DKC1: variants seen among roughly 807,000 people sequenced by gnomAD.
DKC1 encodes the protein H/ACA ribonucleoprotein complex subunit DKC1.
DKC1 carries 4 observed loss-of-function variants against 46.7 expected under a neutral mutation model. The observed-to-expected ratio is 0.09, with a 90% CI of 0.04 to 0.20. DKC1 has a LOEUF of 0.20. DKC1 is among the 10% of genes least tolerant of loss of function. DKC1 has a pLI of 1.00. For synonymous variants in DKC1, 141 were observed against 142.4 expected (o/e 0.99, Z 0.07); for missense variants, 171 against 404.2 (o/e 0.42, Z 4.95).
chrX:154,771,127 C>T (rs782393158), intron 10 of DKC1, among the ~76,000 whole-genome samples: 14 of 108,053 alleles, frequency 1.3e-4, no homozygotes, highest in East Asian at 5.7e-4. Flanking sequence ...ATAGTCACCC[C>T]GTTGTGCTAT....
rs782039990 is a variant in DKC1 at position 154,762,918 on chromosome X, C to A, written c.-48C>A. 3 of 1,168,722 alleles carry A rather than the reference C, an allele frequency of 2.6e-6. No individual in the cohort carries two copies. Among genetic ancestry groups the A allele is most frequent in the South Asian group, 3.8e-5 (2 of 52,907 alleles). On this transcript the variant is annotated 5_prime_UTR_variant, in exon 1 of 15. Coordinates refer to ENST00000369550, the MANE Select transcript of DKC1 (RefSeq NM_001363.5). ...GACCAAGGCGGCGGGAGTCTGCGGT[C>A]GTTCCCTCGGCTGTGGACCGGGCGG...
At position 154,767,042 on chromosome X, in the gene DKC1, G is replaced by C. The variant is rs782622660; in HGVS notation, c.494G>C (p.Gly165Ala). 16 of 1,209,454 alleles carry C rather than the reference G, an allele frequency of 1.3e-5. No homozygotes were observed. The African/African-American group carries it at 1.8e-4, about 13-fold the overall frequency. The change falls in exon 6 of 15, where the codon GGG (glycine) becomes GCG (alanine). Residue 165 changes from glycine to alanine, a missense_variant. Physicochemically the swap from Gly to Ala is moderately conservative, Grantham distance 60 (BLOSUM62 0). Transcript: ENST00000369550. ...GIVRLHNAIE[G>A]GTQLSRALET... is the part of the protein sequence containing the mutation. ...GTCCGGCTGCACAATGCTATTGAAG[G>C]GGGGACCCAGCTTTCTAGGGTAAGT...
chrX:154,773,421 TG>T (rs1233422350), intron 11 of DKC1, among the ~76,000 whole-genome samples, 172 bp downstream of exon 11: 1 of 107,924 alleles, frequency 9.3e-6, no homozygotes, highest in Non-Finnish European at 1.9e-5. Context: ...CAAAGGTCTC[TG>T]GTTTTCCTAG....
intron 8 of DKC1, 74 bp from the exon 9 acceptor site, chrX:154,769,093 T>G: frequency 9.2e-7 from 1 of 1,082,654 alleles, no homozygotes; most frequent in Admixed American, 2.2e-5. Context: ...TGACATTCAG[T>G]TTTAGGAAGT....
chrX:154,772,357 T>C (rs887093387), intron 10 of DKC1, among the ~76,000 whole-genome samples: 1 of 112,290 alleles, frequency 8.9e-6, no homozygotes, highest in East Asian at 2.8e-4. Context: ...TTTTACCCAG[T>C]GTATGTTCTT....
At position 154,774,708 on chromosome X, in the gene DKC1, G is replaced by A. The variant is rs782086268; in HGVS notation, c.1259+3G>A. 8.3e-7 allele frequency: 1 copy of A among 1,203,816 alleles called. No homozygotes were observed. The highest frequency in any genetic ancestry group is 2.2e-5 in the Admixed American group (1 of 46,006). ...AAGCAGGAGTATGTTGACTACAGGT[G>A]AGGGCAGGATGTTTCAGAGCCGGGG... is the stretch of plus-strand genomic sequence containing the variant. On this transcript the variant is annotated splice_donor_region_variant and intron_variant, in intron 12 of 14. Transcript: ENST00000369550.
At chrX:154,768,219 C>T in intron 7 of DKC1, 83 bp from the exon 8 acceptor site, 2 of 1,117,305 alleles carry the variant, frequency 1.8e-6, no homozygotes, top group Non-Finnish European at 2.5e-6. Flanking sequence ...GTCTTGGTGG[C>T]TCAGATGAAG....
Position 154,775,524 on chromosome X carries a change from G to A in DKC1, c.1338+251G>A, listed in dbSNP as rs181829424. ...TGGGCTCAGGAATCAGATGGGCCTC[G>A]ACTCCTACCTCAGCTATGGCAGCAA... On this transcript the variant is annotated intron_variant, in intron 13 of 14. Transcript: ENST00000369550. Among the ~76,000 whole-genome samples, 382 of 112,074 alleles carry A rather than the reference G, an allele frequency of 3.4e-3. 1 individual carries two copies. Among genetic ancestry groups the A allele is most frequent in the African/African-American group, 0.012 (373 of 30,870 alleles).
rs1557263707 is a variant in DKC1, at chrX:154,762,914, C to T, written c.-52C>T. 26 of 1,165,169 alleles carry T rather than the reference C, an allele frequency of 2.2e-5. No individual in the cohort carries two copies. The highest frequency in any genetic ancestry group is 3.2e-5 in the East Asian group (1 of 30,964). The stretch of plus-strand genomic sequence containing the variant: ...ACGGGACCAAGGCGGCGGGAGTCTG[C>T]GGTCGTTCCCTCGGCTGTGGACCGG... On this transcript the variant is annotated 5_prime_UTR_variant, in exon 1 of 15. Coordinates refer to ENST00000369550, the MANE Select transcript of DKC1 (RefSeq NM_001363.5).
chrX:154,774,505 A>G, intron 11 of DKC1, 97 bp from the exon 12 acceptor site: 1 of 769,550 alleles, frequency 1.3e-6, no homozygotes, highest in African/African-American at 2.0e-5. Flanking sequence ...CCTGCTGAGA[A>G]TACACCAGGG....
In DKC1 at chrX:154,773,321, A is replaced by G. The variant is rs1269276562; in HGVS notation, c.1155+72A>G. On this transcript the variant is annotated intron_variant, in intron 11 of 14. Coordinates refer to ENST00000369550, the MANE Select transcript of DKC1 (RefSeq NM_001363.5). ...TTTTTTTTTTTAAATTTATTTTTTT[A>G]TTGATAATTCTTGGGTGTTTCTCAC... 2.1e-5 allele frequency: 8 copies of G among 384,957 alleles called. No homozygotes were observed. The African/African-American group carries it at 4.2e-4, about 20-fold the overall frequency. 31.7% of individuals were successfully genotyped at this position (384,957 alleles called of 1,213,427 possible).
chrX:154,774,782 A>G (rs782184392), intron 12 of DKC1, 77 bp downstream of exon 12: 14 of 893,514 alleles, frequency 1.6e-5, no homozygotes, highest in Non-Finnish European at 2.1e-5. Context: ...TATGTCAACA[A>G]CAGGTGAGGA....
chrX:154,764,702 A>G (rs1228082899), intron 1 of DKC1, among the ~76,000 whole-genome samples, 197 bp from the exon 2 acceptor site: 1 of 111,548 alleles, frequency 9.0e-6, no homozygotes, highest in Admixed American at 9.5e-5. Context: ...GGAGATAGGA[A>G]TTTTTCAGCT....
chrX:154,766,048 C>A, intron 4 of DKC1, 50 bp downstream of exon 4: 4 of 1,069,002 alleles, frequency 3.7e-6, no homozygotes. Context: ...TTTGAAAATG[C>A]TTTCACATCA....
rs782443521 is a variant in DKC1, at chrX:154,773,446, C to T, written c.1155+197C>T. 1.1e-4 allele frequency among the ~76,000 whole-genome samples: 12 copies of T among 109,056 alleles called. 1 individual carries two copies. Among genetic ancestry groups the T allele is most frequent in the Admixed American group, 9.7e-4 (10 of 10,316 alleles). The allele number at this position is 109,056 out of a possible 115,157, so 94.7% of individuals were successfully genotyped here. On this transcript the variant is annotated intron_variant, in intron 11 of 14. Transcript: ENST00000369550. The stretch of plus-strand genomic sequence containing the variant: ...TGGTTTTCCTAGGCAGAGGACCCTG[C>T]GGCCTTCCGCAGTGTCTGTGTCCCT...
chrX:154,777,068 G>T lies in DKC1; in HGVS notation c.*201G>T. The T allele has an allele frequency of 2.8e-6, 1 of 355,979 alleles. No individual in the cohort carries two copies. The highest frequency in any genetic ancestry group is 3.6e-5 in the South Asian group (1 of 27,910). 29.3% of individuals were successfully genotyped at this position (355,979 alleles called of 1,213,427 possible). A position where few individuals can be genotyped will look rare whatever the true frequency, so the allele number is the denominator to read the frequency against. Reference sequence around the variant, plus strand: ...GTCCTGTTTTAAGGATATGGGTGGTGAAAGATGAAAGAGGCAGAGTTTATC... The same window carrying T: ...GTCCTGTTTTAAGGATATGGGTGGTTAAAGATGAAAGAGGCAGAGTTTATC... On this transcript the variant is annotated 3_prime_UTR_variant, in exon 15 of 15. Transcript: ENST00000369550.
rs782044075 is a variant in DKC1 at position 154,764,921 on chromosome X, T to C, written c.39T>C (p.His13=). ...TAGTAATTATTTTGCCAAAGAAACA[T>C]AAGAAGAAAAAGGAGCGGAAGTCAT... The part of the protein sequence containing the change: ...DAEVIILPKK[H]KKKKERKSLP... The change falls in exon 2 of 15, where the codon CAT becomes CAC. Residue 13 remains histidine (H), a synonymous_variant. Transcript: ENST00000369550. 8 of 1,206,607 alleles carry C rather than the reference T, an allele frequency of 6.6e-6. No individual in the cohort carries two copies. In the South Asian group the frequency reaches 7.0e-5, roughly 11 times the overall value.
At chrX:154,773,778 G>A (rs1040211457) in intron 11 of DKC1, among the ~76,000 whole-genome samples, 4 of 112,138 alleles carry the variant, frequency 3.6e-5, no homozygotes, top group Non-Finnish European at 5.6e-5. Context: ...CCACAAAACC[G>A]CCATTGCCAT....
chrX:154,764,927 G>A lies in DKC1; in HGVS notation c.45G>A (p.Lys15=). 8.3e-7 allele frequency: 1 copy of A among 1,209,258 alleles called. No homozygotes were observed. The highest frequency in any genetic ancestry group is 1.1e-6 in the Non-Finnish European group (1 of 893,072). The change falls in exon 2 of 15, where the codon AAG becomes AAA. Residue 15 remains lysine (K), a synonymous_variant. Coordinates refer to ENST00000369550, the MANE Select transcript of DKC1 (RefSeq NM_001363.5). ...EVIILPKKHK[K]KKERKSLPEE... ...TTATTTTGCCAAAGAAACATAAGAA[G>A]AAAAAGGAGCGGAAGTCATTGCCAG...
Sources: gnomAD v4.1 joint callset for allele counts (sites outside exome capture counted in the v4.1 genomes callset) on GRCh38, gnomAD v4.1.1 for gene constraint, MANE v1.5 for transcripts, NCBI Gene and HGNC (gene_info 2026-07-23, HGNC 2026-07-21) for gene names.